EPCAM: variants seen among roughly 807,000 people sequenced by gnomAD.
EPCAM encodes adenocarcinoma-associated antigen.
Under a neutral mutation model 40.0 loss-of-function variants are expected in EPCAM, and 39 were observed. The ratio of observed to expected loss-of-function variants is 0.98; its 90% CI spans 0.76 to 1.27. EPCAM has a LOEUF of 1.27. Among genes scored for constraint, EPCAM ranks in the 50% most tolerant of loss-of-function variants. The pLI is 0.00. For missense variants in EPCAM, 503 were observed against 381.2 expected (o/e 1.32, Z -2.66); for synonymous variants, 168 against 132.3 (o/e 1.27, Z -1.85).
At position 47,379,008 on chromosome 2, in the gene EPCAM, A is replaced by G. The variant is rs1279695827; in HGVS notation, c.611A>G (p.Gln204Arg). The G allele has an allele frequency of 2.5e-6, 4 of 1,605,122 alleles. No individual in the cohort carries two copies. Among genetic ancestry groups the G allele is most frequent in the Non-Finnish European group, 3.4e-6 (4 of 1,171,866 alleles). The change falls in exon 6 of 9, where the codon CAG becomes CGG. Residue 204 changes from glutamine (Q) to arginine (R), a missense_variant. By Grantham distance (43) the Gln-to-Arg change is conservative. Transcript: ENST00000263735. ...GTTCAAAATTCTTCTCAAAAAACTCAGAATGATGTGGACATAGCTGATGTG... is the reference window on the plus strand; with the variant it reads ...GTTCAAAATTCTTCTCAAAAAACTCGGAATGATGTGGACATAGCTGATGTG... Reference protein sequence around the residue: ...DLVQNSSQKTQNDVDIADVAY... With the variant: ...DLVQNSSQKTRNDVDIADVAY...
At chr2:47,385,138 A>G (rs372344280) in intron 7 of EPCAM, 28 bp from the exon 8 acceptor site, 1 of 1,589,758 alleles carries the variant, frequency 6.3e-7, no homozygotes, top group South Asian at 1.1e-5. Flanking sequence ...AGCAGTCCTA[A>G]AACAATAGTT....
chr2:47,386,364 C>T (rs1437442284), intron 8 of EPCAM, among the ~76,000 whole-genome samples: 1 of 152,116 alleles, frequency 6.6e-6, no homozygotes, highest in Non-Finnish European at 1.5e-5. Context: ...CTTTGGCGAT[C>T]TTGTCTCTAA....
intron 1 of EPCAM, among the ~76,000 whole-genome samples, chr2:47,369,988 C>G (rs936597648): frequency 5.3e-5 from 8 of 152,204 alleles, no homozygotes; most frequent in African/African-American, 1.9e-4. Context: ...ACGACAGGGA[C>G]CAGCGGGCTC....
Position 47,369,487 on chromosome 2 carries a change from T to C in EPCAM, c.-19T>C, listed in dbSNP as rs1671158407. On this transcript the variant is annotated 5_prime_UTR_variant, in exon 1 of 9. Transcript: ENST00000263735. ...GTCCCGGGCCCCTCCCGCGCCCCTC[T>C]TCTCGGCGCGCGCGCAGCATGGCGC... is the stretch of plus-strand genomic sequence containing the variant. 4 of 1,523,234 alleles carry C rather than the reference T, an allele frequency of 2.6e-6. No individual in the cohort carries two copies. Among genetic ancestry groups the C allele is most frequent in the African/African-American group, 1.4e-5 (1 of 70,682 alleles). 94.4% of individuals were successfully genotyped at this position (1,523,234 alleles called of 1,614,324 possible).
chr2:47,371,424 A>G (rs867019972), intron 1 of EPCAM, among the ~76,000 whole-genome samples: 1 of 152,314 alleles, frequency 6.6e-6, no homozygotes, highest in South Asian at 2.1e-4. Flanking sequence ...CCGGTCCGGC[A>G]TCTCTTGGTT....
chr2:47,385,693 C>G (rs1671728338), intron 8 of EPCAM, among the ~76,000 whole-genome samples: 2 of 150,738 alleles, frequency 1.3e-5, no homozygotes, highest in Non-Finnish European at 2.9e-5. Context: ...AACACTTATC[C>G]TTGAACCCTA....
intron 5 of EPCAM, among the ~76,000 whole-genome samples, chr2:47,378,232 AAAAAC>A (rs1466098587): frequency 1.1e-4 from 17 of 152,124 alleles, no homozygotes; most frequent in African/African-American, 4.1e-4. Flanking sequence ...ACTCCGTCTC[AAAAAC>A]AAAACAAAAA....
At chr2:47,384,523 C>T (rs1368178334) in intron 7 of EPCAM, among the ~76,000 whole-genome samples, 1 of 150,264 alleles carries the variant, frequency 6.7e-6, no homozygotes, top group African/African-American at 2.5e-5. Context: ...AAGTGATTTT[C>T]CTGCTTCAGT....
chr2:47,385,456 A>G (rs1448733431), intron 8 of EPCAM, among the ~76,000 whole-genome samples: 3 of 152,188 alleles, frequency 2.0e-5, no homozygotes, highest in African/African-American at 7.2e-5. Context: ...TTTTTATTCT[A>G]CAAAGAGTCA....
intron 5 of EPCAM, 117 bp downstream of exon 5, chr2:47,377,194 C>T (rs1671449919): frequency 1.0e-5 from 8 of 774,718 alleles, no homozygotes; most frequent in South Asian, 4.2e-5. Context: ...GCAACAGTTT[C>T]GGATCTGGGT....
rs566934817 is a variant in EPCAM, at chr2:47,373,426, C to T, written c.77-37C>T. 17 of 1,310,406 alleles carry T rather than the reference C, an allele frequency of 1.3e-5. No individual in the cohort carries two copies. In the East Asian group the frequency reaches 2.9e-4, roughly 22 times the overall value. The allele number at this position is 1,310,406 out of a possible 1,614,324, so 81.2% of individuals were successfully genotyped here. ...AGCTGGGACATGAGAGTTAATAGAT[C>T]CACATTTTAAAGTAGATTTTTTTTT... On this transcript the variant is annotated intron_variant, in intron 1 of 8. Coordinates refer to ENST00000263735, the MANE Select transcript of EPCAM (RefSeq NM_002354.3).
In EPCAM at chr2:47,375,234, C is replaced by G. The variant is rs1287621480; in HGVS notation, c.426C>G (p.Tyr142Ter). 6.2e-7 allele frequency: 1 copy of G among 1,602,878 alleles called. No homozygotes were observed. The highest frequency in any genetic ancestry group is 8.5e-7 in the Non-Finnish European group (1 of 1,170,216). ...EITCSERVRTYWIIIELKHKA... is the reference protein window; with the variant it reads ...EITCSERVRT ...CTGACATTGTCTTTTTACTTTATAGCTGGATCATCATTGAACTAAAACACA... is the reference window on the plus strand; with the variant it reads ...CTGACATTGTCTTTTTACTTTATAGGTGGATCATCATTGAACTAAAACACA... The change falls in exon 4 of 9, where the codon TAC becomes TAG. Residue 142 changes from tyrosine (Y) to a stop codon, truncating the protein, a stop_gained and splice_region_variant. Coordinates refer to ENST00000263735, the MANE Select transcript of EPCAM (RefSeq NM_002354.3). LOFTEE classifies it high-confidence loss of function.
chr2:47,381,372 A>G (rs1327076778), intron 7 of EPCAM, among the ~76,000 whole-genome samples: 3 of 149,004 alleles, frequency 2.0e-5, no homozygotes. Context: ...AGCCTGAGCA[A>G]CAAGAGTGAA....
intron 8 of EPCAM, 37 bp from the exon 9 acceptor site, chr2:47,386,532 AATT>A: frequency 6.6e-7 from 1 of 1,520,978 alleles, no homozygotes; most frequent in Non-Finnish European, 9.1e-7. Context: ...AAGATTGAAA[AATT>A]ATTTAGAATT....
In EPCAM at chr2:47,386,867, T is replaced by C. The variant is rs1671756482; in HGVS notation, c.*254T>C. On this transcript the variant is annotated 3_prime_UTR_variant, in exon 9 of 9. Coordinates refer to ENST00000263735, the MANE Select transcript of EPCAM (RefSeq NM_002354.3). ...AGAACTTGGACTCCATCGTTAAAAT[T>C]ATTTATGTGTAACATTCAAATGTGT... The C allele has an allele frequency of 2.8e-6, 1 of 360,036 alleles. No homozygotes were observed. The highest frequency in any genetic ancestry group is 2.0e-5 in the African/African-American group (1 of 48,902). 22.3% of individuals were successfully genotyped at this position (360,036 alleles called of 1,614,324 possible).
rs879226247 is a variant in EPCAM, at chr2:47,379,972, G to C, written c.858+3G>C. The C allele has an allele frequency of 6.2e-7, 1 of 1,608,814 alleles. No individual in the cohort carries two copies. Among genetic ancestry groups the C allele is most frequent in the Non-Finnish European group, 8.5e-7 (1 of 1,177,038 alleles). On this transcript the variant is annotated splice_donor_region_variant and intron_variant, in intron 7 of 8. Coordinates refer to ENST00000263735, the MANE Select transcript of EPCAM (RefSeq NM_002354.3). ...TTGTTGCTGGAATTGTTGTGCTGGTGAGTACAGAACAAGTAAAATTTCATT... is the reference window on the plus strand; with the variant it reads ...TTGTTGCTGGAATTGTTGTGCTGGTCAGTACAGAACAAGTAAAATTTCATT...
At chr2:47,369,810 G>A (rs749330159) in intron 1 of EPCAM, 3 of 673,750 alleles carry the variant, frequency 4.5e-6, no homozygotes, top group East Asian at 2.8e-5. Flanking sequence ...GCTCGCCTTG[G>A]TAGGGAAATG....
chr2:47,382,664 C>CA (rs1671624540), intron 7 of EPCAM, among the ~76,000 whole-genome samples: 2 of 152,024 alleles, frequency 1.3e-5, no homozygotes. Flanking sequence ...CCAGCCTGGG[C>CA]AACGAGAGCA....
At chr2:47,373,229 A>AAC (rs1553342897) in intron 1 of EPCAM, among the ~76,000 whole-genome samples, 2 of 150,422 alleles carry the variant, frequency 1.3e-5, no homozygotes, top group African/African-American at 4.9e-5. Context: ...AAAAAAAAAA[A>AAC]AAAAAACAGG....
Sources: allele counts gnomAD v4.1 joint callset (sites outside exome capture counted in the v4.1 genomes callset), GRCh38; gene constraint gnomAD v4.1.1; transcripts MANE v1.5; gene names NCBI Gene and HGNC (gene_info 2026-07-23, HGNC 2026-07-21).